Variants in SFXN5 observed in about 807,000 individuals in gnomAD.
SFXN5 encodes the protein sideroflexin-5.
SFXN5 carries 43 observed loss-of-function variants against 50.2 expected under a neutral mutation model. The ratio of observed to expected loss-of-function variants is 0.86; its 90% CI spans 0.67 to 1.11. The LOEUF (loss-of-function observed/expected upper bound fraction) is 1.11. Ranked by LOEUF, SFXN5 falls within the 50% of genes least tolerant of loss-of-function variation. SFXN5 has a pLI of 0.00. For synonymous variants in SFXN5, 203 were observed against 185.8 expected, an observed-to-expected ratio of 1.09 and a Z score of -0.75; for missense variants, 463 against 454.1, an observed-to-expected ratio of 1.02 and a Z score of -0.18.
intron 3 of SFXN5, among the ~76,000 whole-genome samples, chr2:73,039,466 C>T (rs1050153302): frequency 6.6e-5 from 10 of 152,130 alleles, no homozygotes. Flanking sequence ...AATGTTATTT[C>T]TATAATTGTA....
At chr2:72,982,187 C>G (rs935063507) in intron 10 of SFXN5, among the ~76,000 whole-genome samples, 7 of 152,154 alleles carry the variant, frequency 4.6e-5, no homozygotes, top group Admixed American at 1.3e-4. Context: ...CTTAGAGATA[C>G]TAGTATCCAT....
intron 13 of SFXN5, among the ~76,000 whole-genome samples, chr2:72,959,721 T>A (rs905823514): frequency 6.6e-6 from 1 of 152,116 alleles, no homozygotes; most frequent in Non-Finnish European, 1.5e-5. Context: ...CTCCTCTTCA[T>A]AGACTTTCCC....
At chr2:72,994,310 GAC>G (rs919747247) in intron 9 of SFXN5, among the ~76,000 whole-genome samples, 3 of 152,156 alleles carry the variant, frequency 2.0e-5, no homozygotes, top group Non-Finnish European at 2.9e-5. Flanking sequence ...ACTATCCAGG[GAC>G]ACAGAGTTGT....
At chr2:72,959,648 A>C (rs1673487082) in intron 13 of SFXN5, among the ~76,000 whole-genome samples, 1 of 151,420 alleles carries the variant, frequency 6.6e-6, no homozygotes, top group African/African-American at 2.4e-5. Flanking sequence ...TCTTCCACCT[A>C]CTGAAGTGGG....
chr2:72,958,975 G>A (rs1673407220), intron 13 of SFXN5, among the ~76,000 whole-genome samples: 1 of 152,066 alleles, frequency 6.6e-6, no homozygotes, highest in Non-Finnish European at 1.5e-5. Context: ...CACCTTCCAG[G>A]GCCTAAGGCG....
At chr2:72,954,540 G>T (rs1672867978) in intron 13 of SFXN5, among the ~76,000 whole-genome samples, 1 of 152,166 alleles carries the variant, frequency 6.6e-6, no homozygotes, top group East Asian at 1.9e-4. Context: ...GCAGGGAAGA[G>T]ACACACGCTC....
intron 4 of SFXN5, 29 bp downstream of exon 4, chr2:73,023,159 A>C (rs2105839958): frequency 8.8e-6 from 14 of 1,597,756 alleles, no homozygotes; most frequent in Non-Finnish European, 8.5e-7. Flanking sequence ...AACACGGAGA[A>C]GGAAATAGAG....
intron 1 of SFXN5, among the ~76,000 whole-genome samples, chr2:73,069,630 A>G (rs1270639568): frequency 6.6e-6 from 1 of 152,236 alleles, no homozygotes; most frequent in South Asian, 2.1e-4. Context: ...CTTCAAGAGC[A>G]GTGCCAAAAA....
chr2:73,068,183 A>G (rs1383989123), intron 1 of SFXN5, among the ~76,000 whole-genome samples: 1 of 152,190 alleles, frequency 6.6e-6, no homozygotes, highest in East Asian at 1.9e-4. Context: ...CTTGGTAACA[A>G]ATCCTGCAGA....
intron 6 of SFXN5, among the ~76,000 whole-genome samples, chr2:73,008,544 G>A (rs895303561): frequency 7.9e-5 from 12 of 152,210 alleles, no homozygotes; most frequent in African/African-American, 2.9e-4. Context: ...CAGGACGAGG[G>A]CCGGACCACC....
chr2:73,053,410 C>T (rs917276232), intron 2 of SFXN5: 8 of 154,270 alleles, frequency 5.2e-5, no homozygotes, highest in Non-Finnish European at 7.3e-5. Context: ...CTCTCCTTCC[C>T]GCTGTTTTTT....
chr2:72,957,886 C>T (rs567794864), intron 13 of SFXN5, among the ~76,000 whole-genome samples: 2 of 152,362 alleles, frequency 1.3e-5, no homozygotes, highest in African/African-American at 4.8e-5. Flanking sequence ...ACCCTCCCTT[C>T]CCAGAGGAAC....
chr2:73,051,176 T>C (rs1324264441), intron 2 of SFXN5, among the ~76,000 whole-genome samples: 1 of 152,024 alleles, frequency 6.6e-6, no homozygotes, highest in African/African-American at 2.4e-5. Flanking sequence ...GGAAGGAGGC[T>C]TTCCCACAGC....
At chr2:73,046,761 A>C (rs1680391976) in intron 2 of SFXN5, among the ~76,000 whole-genome samples, 1 of 152,218 alleles carries the variant, frequency 6.6e-6, no homozygotes, top group Non-Finnish European at 1.5e-5. Flanking sequence ...GAAGTATCTA[A>C]GGGTACTGAC....
intron 4 of SFXN5, 104 bp from the exon 5 acceptor site, chr2:73,022,680 A>C: frequency 4.1e-6 from 3 of 726,686 alleles, no homozygotes. Context: ...TTAGGGGAGG[A>C]AGAAGGGAAG....
At position 72,950,899 on chromosome 2, in the gene SFXN5, G is replaced by A. The variant is rs932148317; in HGVS notation, c.946-5800C>T. 1.3e-5 allele frequency among the ~76,000 whole-genome samples: 2 copies of A among 152,224 alleles called. No homozygotes were observed. Among genetic ancestry groups the A allele is most frequent in the Admixed American group, 6.5e-5 (1 of 15,288 alleles). ...CGGGGATAAGGGGATGAGGAGAGAGGACAAGGAGTGGCCATAGGGAGAAGG... is the reference window on the plus strand; with the variant it reads ...CGGGGATAAGGGGATGAGGAGAGAGAACAAGGAGTGGCCATAGGGAGAAGG... On this transcript the variant is annotated intron_variant, in intron 13 of 13. Coordinates refer to ENST00000272433, the MANE Select transcript of SFXN5 (RefSeq NM_144579.3). The surrounding 1 kb of genome is among the most constrained non-coding windows in gnomAD (Gnocchi z 4.2).
At chr2:73,016,428 G>A (rs1169828814) in intron 6 of SFXN5, among the ~76,000 whole-genome samples, 3 of 152,178 alleles carry the variant, frequency 2.0e-5, no homozygotes, top group Non-Finnish European at 4.4e-5. Flanking sequence ...TGGAAGAGCT[G>A]GGGCAGTGGC....
intron 3 of SFXN5, among the ~76,000 whole-genome samples, chr2:73,023,910 G>A (rs6719333): frequency 0.34 from 51,582 of 152,058 alleles, 10,589 homozygotes; most frequent in African/African-American, 0.57. Flanking sequence ...GAGAAACGGA[G>A]TAACTTGTCA....
At chr2:73,071,468 G>C (rs1307713495) in intron 1 of SFXN5, 136 bp downstream of exon 1, 1 of 735,876 alleles carries the variant, frequency 1.4e-6, no homozygotes, top group Non-Finnish European at 2.2e-6. Context: ...TGTGACCGAG[G>C]TTCCCCCCCT....
Sources: gnomAD v4.1 joint callset for allele counts (sites outside exome capture counted in the v4.1 genomes callset) on GRCh38, gnomAD v4.1.1 for gene constraint, Gnocchi (gnomAD v3.1) non-coding constraint, MANE v1.5 for transcripts, NCBI Gene and HGNC (gene_info 2026-07-23, HGNC 2026-07-21) for gene names.